Variants in SRGAP1 observed in about 807,000 individuals in gnomAD.
The protein encoded by SRGAP1 is SLIT-ROBO Rho GTPase-activating protein 1.
A neutral mutation model predicts 121.9 loss-of-function variants in SRGAP1; 43 were observed. The observed-to-expected ratio is 0.35, with a 90% CI of 0.28 to 0.46. The LOEUF (loss-of-function observed/expected upper bound fraction) is 0.46, where lower values mean the gene tolerates loss of function less well. SRGAP1 is among the 20% of genes least tolerant of loss of function. SRGAP1 has a pLI of 1.00. For synonymous variants in SRGAP1, 447 were observed against 485.4 expected (o/e 0.92, Z 1.04); for missense variants, 1,102 against 1,350.9 (o/e 0.82, Z 2.89).
intron 15 of SRGAP1, 73 bp from the exon 16 acceptor site, chr12:64,108,859 T>C (rs914669355): frequency 2.0e-6 from 2 of 1,023,832 alleles, no homozygotes; most frequent in Non-Finnish European, 2.9e-6. Context: ...GTACCGGTAA[T>C]ACATGTACTG....
At chr12:64,095,949 C>T (rs1318900531) in intron 14 of SRGAP1, among the ~76,000 whole-genome samples, 1 of 152,126 alleles carries the variant, frequency 6.6e-6, no homozygotes, top group Non-Finnish European at 1.5e-5. Context: ...GACCTAGAAT[C>T]ATATCAGACT....
chr12:64,066,814 C>A (rs184652589), intron 8 of SRGAP1, among the ~76,000 whole-genome samples: 1 of 152,194 alleles, frequency 6.6e-6, no homozygotes, highest in Admixed American at 6.5e-5. Context: ...TTTGTCTAGG[C>A]TTCACAAAAT....
intron 12 of SRGAP1, among the ~76,000 whole-genome samples, chr12:64,092,827 T>C (rs578204342): frequency 6.6e-5 from 10 of 152,338 alleles, no homozygotes; most frequent in African/African-American, 2.4e-4. Context: ...GATTCTGTTG[T>C]ATTTGATAAT....
intron 1 of SRGAP1, among the ~76,000 whole-genome samples, chr12:63,891,210 C>T (rs1308599715): frequency 6.6e-6 from 1 of 152,170 alleles, no homozygotes; most frequent in Admixed American, 6.5e-5. Context: ...GTGGCCTTCA[C>T]CGCCACACCT....
At chr12:63,863,973 C>T (rs1056239759) in intron 1 of SRGAP1, among the ~76,000 whole-genome samples, 1 of 152,170 alleles carries the variant, frequency 6.6e-6, no homozygotes, top group Non-Finnish European at 1.5e-5. Context: ...CCCCAGCCAC[C>T]TTTAATTGGC....
chr12:64,080,181 T>G lies in SRGAP1; in HGVS notation c.1324-105T>G. 3.7e-6 allele frequency: 3 copies of G among 821,548 alleles called. No individual in the cohort carries two copies. The East Asian group carries it at 8.5e-5, about 23-fold the overall frequency. 50.9% of individuals were successfully genotyped at this position (821,548 alleles called of 1,614,324 possible). A position where few individuals can be genotyped will look rare whatever the true frequency, so the allele number is the denominator to read the frequency against. The stretch of plus-strand genomic sequence containing the variant: ...TCGCTTGAACCCCAGAGGAAGAGGT[T>G]GCAGTGAGCCAAGATCGCGCCACTG... On this transcript the variant is annotated intron_variant, in intron 9 of 21. Coordinates refer to ENST00000355086, the MANE Select transcript of SRGAP1 (RefSeq NM_020762.4).
chr12:63,940,700 C>T (rs1047607023), intron 1 of SRGAP1, among the ~76,000 whole-genome samples: 6 of 152,196 alleles, frequency 3.9e-5, no homozygotes, highest in Non-Finnish European at 7.4e-5. Context: ...CTCTAACTAT[C>T]AGCTTAAAAA....
rs1555236577 is a variant in SRGAP1 at position 63,900,198 on chromosome 12, CTTTTTCTT to C, written c.67+55321_67+55328del. ...CCCTTGCTTTTTTCTTTTTCTTTTT[CTTTTTCTT>C]TTTTTTTTTTTTTTTTTGAGGTGGA... is the stretch of plus-strand genomic sequence containing the variant. On this transcript the variant is annotated intron_variant, in intron 1 of 21. Transcript: ENST00000355086. 4.4e-4 allele frequency among the ~76,000 whole-genome samples: 44 copies of C among 100,602 alleles called. 1 individual carries two copies. Among genetic ancestry groups the C allele is most frequent in the South Asian group, 2.6e-3 (7 of 2,744 alleles). The allele number at this position is 100,602 out of a possible 152,430, so 66.0% of individuals were successfully genotyped here.
At chr12:63,910,796 T>C (rs1268111118) in intron 1 of SRGAP1, among the ~76,000 whole-genome samples, 1 of 152,174 alleles carries the variant, frequency 6.6e-6, no homozygotes, top group Non-Finnish European at 1.5e-5. Flanking sequence ...TAATATGTTG[T>C]CTTTAAGGGA....
At chr12:64,122,768 C>T (rs1196724926) in intron 18 of SRGAP1, among the ~76,000 whole-genome samples, 7 of 151,974 alleles carry the variant, frequency 4.6e-5, no homozygotes, top group Admixed American at 6.6e-5. Flanking sequence ...CATGGTGGCA[C>T]GTGCCTGCAG....
chr12:64,040,308 T>C (rs2034988620), intron 4 of SRGAP1, among the ~76,000 whole-genome samples: 1 of 152,218 alleles, frequency 6.6e-6, no homozygotes, highest in African/African-American at 2.4e-5. Context: ...AATTCATTAC[T>C]TGAAAACATT....
At chr12:63,887,775 C>T (rs1314030197) in intron 1 of SRGAP1, 1 of 152,220 alleles carries the variant, frequency 6.6e-6, no homozygotes, top group African/African-American at 2.4e-5. Flanking sequence ...TTCCTTCCAC[C>T]CTTTCTTCAA....
chr12:64,015,705 G>T lies in SRGAP1; in HGVS notation c.427-1245G>T, dbSNP rs938360417. 2.0e-5 allele frequency among the ~76,000 whole-genome samples: 3 copies of T among 152,218 alleles called. No individual in the cohort carries two copies. The East Asian group carries it at 5.8e-4, about 29-fold the overall frequency. On this transcript the variant is annotated intron_variant, in intron 3 of 21. Transcript: ENST00000355086. ...ACCCTCTTTAAATTCTGCATTCTTG[G>T]TGCCCATTTGCCCAAGCACCACACA...
At chr12:64,092,415 G>T (rs548972399) in intron 12 of SRGAP1, among the ~76,000 whole-genome samples, 1 of 152,060 alleles carries the variant, frequency 6.6e-6, no homozygotes, top group East Asian at 1.9e-4. Context: ...TTGAATATGT[G>T]TACTAATAAT....
intron 4 of SRGAP1, among the ~76,000 whole-genome samples, chr12:64,035,249 C>T (rs940018713): frequency 6.6e-6 from 1 of 152,006 alleles, no homozygotes; most frequent in African/African-American, 2.4e-5. Flanking sequence ...GGCTTCCAGA[C>T]TTAAATATAA....
At chr12:64,007,407 A>T (rs2136448192) in intron 3 of SRGAP1, among the ~76,000 whole-genome samples, 1 of 152,230 alleles carries the variant, frequency 6.6e-6, no homozygotes, top group South Asian at 2.1e-4. Context: ...CTCCTATGAG[A>T]ATCTAATGCT....
At chr12:64,016,854 T>A in intron 3 of SRGAP1, 96 bp from the exon 4 acceptor site, 3 of 670,868 alleles carry the variant, frequency 4.5e-6, no homozygotes, top group Non-Finnish European at 7.3e-6. Flanking sequence ...GCTTGCTGTC[T>A]TTCTGTCGTG....
chr12:64,116,437 ATGTT>A (rs2036524926), intron 18 of SRGAP1, among the ~76,000 whole-genome samples: 1 of 151,760 alleles, frequency 6.6e-6, no homozygotes, highest in African/African-American at 2.4e-5. Context: ...AGTAACCACT[ATGTT>A]TGTGTTTTTA....
chr12:64,065,697 A>G (rs1420105131), intron 8 of SRGAP1, among the ~76,000 whole-genome samples: 2 of 152,216 alleles, frequency 1.3e-5, no homozygotes, highest in Non-Finnish European at 2.9e-5. Context: ...GGCATGAGCC[A>G]TTATGGTGCC....
Sources: gnomAD v4.1 joint callset for allele counts (sites outside exome capture counted in the v4.1 genomes callset) on GRCh38, gnomAD v4.1.1 for gene constraint, MANE v1.5 for transcripts, NCBI Gene and HGNC (gene_info 2026-07-23, HGNC 2026-07-21) for gene names.